TARS3: variants seen among roughly 807,000 people sequenced by gnomAD.
The protein encoded by TARS3 is threonine--tRNA ligase 2, cytoplasmic.
In TARS3, 94 loss-of-function variants were observed where a neutral mutation model predicts 103.5. The ratio of observed to expected loss-of-function variants is 0.91; its 90% confidence interval spans 0.77 to 1.08. TARS3 has a LOEUF of 1.08. TARS3 is among the 50% of genes least tolerant of loss of function. The pLI is 0.00. For synonymous variants in TARS3, 416 were observed against 355.4 expected, an observed-to-expected ratio of 1.17 and a Z score of -1.92; for missense variants, 952 against 995.2, an observed-to-expected ratio of 0.96 and a Z score of 0.58.
In TARS3 at chr15:101,659,256, A is replaced by G. The variant is rs533284056; in HGVS notation, c.2073-1399T>C. Among the ~76,000 whole-genome samples, 11 of 152,354 alleles carry G rather than the reference A, an allele frequency of 7.2e-5. No individual in the cohort carries two copies. In the East Asian group the frequency reaches 1.9e-3, roughly 27 times the overall value. On this transcript the variant is annotated intron_variant, in intron 16 of 18. Transcript: ENST00000335968. ...TTAGTCTGAAGGTGAAAGGACATGC[A>G]AGGAGGACTATTTCAGATAGCATTT...
intron 5 of TARS3, 42 bp from the exon 6 acceptor site, chr15:101,708,952 T>G: frequency 7.9e-7 from 1 of 1,268,604 alleles, no homozygotes; most frequent in Non-Finnish European, 1.1e-6. Context: ...CTTCCAGACA[T>G]TATGCATTCC....
At chr15:101,657,071 A>G (rs1332835587) in intron 17 of TARS3, 35 bp from the exon 18 acceptor site, 1 of 1,386,476 alleles carries the variant, frequency 7.2e-7, no homozygotes, top group South Asian at 1.2e-5. Flanking sequence ...CTGTTACATT[A>G]TGGTACCTAG....
chr15:101,660,343 G>T (rs1361652860), intron 16 of TARS3, among the ~76,000 whole-genome samples: 5 of 152,220 alleles, frequency 3.3e-5, no homozygotes, highest in Admixed American at 2.0e-4. Flanking sequence ...ATCACAAGAT[G>T]TTGTCTGCCA....
intron 15 of TARS3, among the ~76,000 whole-genome samples, chr15:101,671,120 C>T (rs1897781549): frequency 6.6e-6 from 1 of 152,154 alleles, no homozygotes; most frequent in Non-Finnish European, 1.5e-5. Flanking sequence ...TGTTGGTTTA[C>T]AGTGATAAAA....
intron 12 of TARS3, among the ~76,000 whole-genome samples, chr15:101,677,796 C>T (rs1286163040): frequency 1.3e-5 from 2 of 151,790 alleles, no homozygotes; most frequent in Non-Finnish European, 2.9e-5. Context: ...CCAAGCCTGG[C>T]TAATTTTGTA....
At chr15:101,656,131 G>A in intron 18 of TARS3, 2 of 1,083,344 alleles carry the variant, frequency 1.8e-6, no homozygotes, top group Non-Finnish European at 2.5e-6. Context: ...GCTCCTGATT[G>A]CTCTTCTAGT....
At chr15:101,677,354 T>A (rs974514708) in intron 12 of TARS3, among the ~76,000 whole-genome samples, 3 of 152,112 alleles carry the variant, frequency 2.0e-5, no homozygotes, top group African/African-American at 7.2e-5. Context: ...GTTGGGACAT[T>A]TATTTTCTCC....
chr15:101,724,458 G>A lies in TARS3; in HGVS notation c.-71C>T, dbSNP rs1900676637. On this transcript the variant is annotated 5_prime_UTR_variant, in exon 1 of 19. Transcript: ENST00000335968. ...GCGGCGAGGGCGACGCGGACACTCA[G>A]CGCACGGCAGAAGACAGGGCTCCCG... 3 of 1,350,998 alleles carry A rather than the reference G, an allele frequency of 2.2e-6. No homozygotes were observed. In the South Asian group the frequency reaches 5.5e-5, roughly 25 times the overall value. 83.7% of individuals were successfully genotyped at this position (1,350,998 alleles called of 1,614,324 possible). A position where few individuals can be genotyped will look rare whatever the true frequency, so the allele number is the denominator to read the frequency against.
chr15:101,657,670 T>G, intron 17 of TARS3, 115 bp downstream of exon 17: 1 of 618,370 alleles, frequency 1.6e-6, no homozygotes, highest in Non-Finnish European at 2.7e-6. Flanking sequence ...GAAAACACGG[T>G]TTAAGCTAAT....
Position 101,684,142 on chromosome 15 carries a change from A to G in TARS3, c.1583T>C (p.Leu528Pro). The G allele has an allele frequency of 2.5e-6, 4 of 1,614,086 alleles. No homozygotes were observed. Among genetic ancestry groups the G allele is most frequent in the South Asian group, 1.1e-5 (1 of 91,070 alleles). Residue 528 changes from leucine to proline, a missense_variant, in exon 12 of 19, where the codon CTC (leucine) becomes CCC (proline). This residue lies in a region of TARS3 where 540 missense variants were observed against 631.0 expected (regional missense o/e 0.86). Transcript: ENST00000335968. ...GCGCCTCACTCTGGTCAAGCCGCTG[A>G]GAGTCCCCGACAGTTCATTTCTATG... ...VLHRNELSGTLSGLTRVRRFQ... is the reference protein window; with the variant it reads ...VLHRNELSGTPSGLTRVRRFQ...
chr15:101,677,984 ATTT>A (rs34335030), intron 12 of TARS3, among the ~76,000 whole-genome samples: 4 of 132,446 alleles, frequency 3.0e-5, no homozygotes, highest in Non-Finnish European at 4.9e-5. Flanking sequence ...TTTGGGGGTC[ATTT>A]TTTTTTTTTT....
chr15:101,661,419 G>T (rs1897372903), intron 16 of TARS3, among the ~76,000 whole-genome samples: 5 of 150,894 alleles, frequency 3.3e-5, no homozygotes, highest in Non-Finnish European at 5.9e-5. Context: ...CTTGAAACAG[G>T]TAAAAAGATA....
chr15:101,659,737 T>C (rs544562352), intron 16 of TARS3, among the ~76,000 whole-genome samples: 1 of 152,332 alleles, frequency 6.6e-6, no homozygotes, highest in South Asian at 2.1e-4. Context: ...ATAAACATGT[T>C]AACTCATACT....
At position 101,657,853 on chromosome 15, in the gene TARS3, A is replaced by T; in HGVS notation, c.2077T>A (p.Phe693Ile). 1 of 1,589,744 alleles carries T rather than the reference A, an allele frequency of 6.3e-7. No individual in the cohort carries two copies. Among genetic ancestry groups the T allele is most frequent in the Non-Finnish European group, 8.6e-7 (1 of 1,165,320 alleles). Residue 693 changes from phenylalanine (F) to isoleucine (I), a missense_variant, in exon 17 of 19, where the codon TTC (phenylalanine) becomes ATC (isoleucine). This residue lies in a region of TARS3 where 540 missense variants were observed against 631.0 expected (regional missense o/e 0.86). Transcript: ENST00000335968. ...ATCACCTGACGAGGAGATAGCCAGAAAGGCCTGAAAAATATATATAAAATA... is the reference window on the plus strand; with the variant it reads ...ATCACCTGACGAGGAGATAGCCAGATAGGCCTGAAAAATATATATAAAATA... The part of the protein sequence containing the change: ...LSENYGGKWP[F>I]WLSPRQVMVI...
At position 101,702,335 on chromosome 15, in the gene TARS3, C is replaced by G; in HGVS notation, c.1125G>C (p.Arg375Ser). The G allele has an allele frequency of 1.2e-6, 2 of 1,613,934 alleles. No homozygotes were observed. The highest frequency in any genetic ancestry group is 2.7e-5 in the African/African-American group (2 of 75,014). Residue 375 changes from arginine to serine, a missense_variant, in exon 9 of 19, where the codon AGG becomes AGC. Physicochemically the swap from Arg to Ser is moderately radical, Grantham distance 110. Coordinates refer to ENST00000335968, the MANE Select transcript of TARS3 (RefSeq NM_152334.3). ...TATCAGGAAAGGATATTCCATAGAT[C>G]CTCTGCAATGTTTCCATTTCCGGAT... ...EGNPEMETLQ[R>S]IYGISFPDNK...
chr15:101,693,526 A>G (rs982038947), intron 10 of TARS3, among the ~76,000 whole-genome samples: 2 of 152,218 alleles, frequency 1.3e-5, no homozygotes, highest in African/African-American at 2.4e-5. Flanking sequence ...CCATATCACC[A>G]TATGACCCTG....
intron 4 of TARS3, among the ~76,000 whole-genome samples, 194 bp from the exon 5 acceptor site, chr15:101,712,195 C>T (rs1899903843): frequency 6.6e-6 from 1 of 152,186 alleles, no homozygotes; most frequent in Non-Finnish European, 1.5e-5. Context: ...TGACATTCCA[C>T]CGGAGTCACT....
chr15:101,689,608 G>A (rs1297342240), intron 10 of TARS3, among the ~76,000 whole-genome samples: 1 of 152,136 alleles, frequency 6.6e-6, no homozygotes, highest in Non-Finnish European at 1.5e-5. Flanking sequence ...ACAGAGGATG[G>A]GAATGACGCT....
chr15:101,656,098 G>T, intron 18 of TARS3: 1 of 1,250,964 alleles, frequency 8.0e-7, no homozygotes, highest in Non-Finnish European at 1.0e-6. Flanking sequence ...GAAATGGGGA[G>T]AAATACTCCT....
Sources: gnomAD v4.1 joint callset for allele counts (sites outside exome capture counted in the v4.1 genomes callset) on GRCh38, gnomAD v4.1.1 for gene constraint, gnomAD v4.1.1 regional missense constraint, MANE v1.5 for transcripts, NCBI Gene and HGNC (gene_info 2026-07-23, HGNC 2026-07-21) for gene names.